Variants in NRG3 observed in about 807,000 individuals in gnomAD.
NRG3 encodes the protein neuregulin 3, also known as pro-neuregulin-3, membrane-bound isoform.
In NRG3, 31 loss-of-function variants were observed where a neutral mutation model predicts 66.9. That is an observed-to-expected ratio of 0.46 (90% CI 0.35 to 0.63). The LOEUF (loss-of-function observed/expected upper bound fraction) is 0.63. NRG3 is among the 20% of genes least tolerant of loss of function. The pLI is 0.00. For synonymous variants in NRG3, 393 were observed against 359.4 expected (o/e 1.09, Z -1.06); for missense variants, 910 against 878.9 (o/e 1.04, Z -0.45).
At chr10:82,098,543 G>T (rs1033990928) in intron 1 of NRG3, among the ~76,000 whole-genome samples, 1 of 152,082 alleles carries the variant, frequency 6.6e-6, no homozygotes, top group South Asian at 2.1e-4. Flanking sequence ...AGGAGAAGAC[G>T]ATGGATACAC....
chr10:82,029,984 T>C (rs1260012172), intron 1 of NRG3, among the ~76,000 whole-genome samples: 1 of 152,090 alleles, frequency 6.6e-6, no homozygotes, highest in Admixed American at 6.6e-5. Flanking sequence ...GTCTAACAAA[T>C]GTCCCCTTTG....
chr10:82,848,202 C>T (rs2063397215), intron 3 of NRG3, among the ~76,000 whole-genome samples: 2 of 152,190 alleles, frequency 1.3e-5, no homozygotes, highest in South Asian at 4.1e-4. Flanking sequence ...TAAAACAACA[C>T]AAACACGTCC....
At chr10:82,171,137 T>A (rs1181849041) in intron 1 of NRG3, among the ~76,000 whole-genome samples, 1 of 152,068 alleles carries the variant, frequency 6.6e-6, no homozygotes, top group Non-Finnish European at 1.5e-5. Context: ...TGCAATTCAA[T>A]CAATGTATTT....
chr10:81,915,387 C>A (rs528889635), intron 1 of NRG3, among the ~76,000 whole-genome samples: 1 of 152,072 alleles, frequency 6.6e-6, no homozygotes, highest in African/African-American at 2.4e-5. Context: ...CAGAAAAATA[C>A]AGGGTTTTCC....
intron 6 of NRG3, among the ~76,000 whole-genome samples, chr10:82,964,984 C>T (rs953076355): frequency 2.1e-4 from 32 of 152,108 alleles, no homozygotes; most frequent in Non-Finnish European, 1.5e-4. Context: ...AGCAGGTGGG[C>T]GGGCAAGAGG....
intron 1 of NRG3, among the ~76,000 whole-genome samples, chr10:81,929,457 C>T (rs2132966439): frequency 6.6e-6 from 1 of 152,268 alleles, no homozygotes; most frequent in South Asian, 2.1e-4. Flanking sequence ...AATTTCATTT[C>T]CAAATACCCA....
chr10:82,361,515 C>T (rs1266955300), intron 2 of NRG3, among the ~76,000 whole-genome samples: 3 of 152,112 alleles, frequency 2.0e-5, no homozygotes, highest in Non-Finnish European at 4.4e-5. Context: ...TAATAAAGTG[C>T]CATTTTGTAC....
chr10:82,318,646 A>G (rs979714930), intron 1 of NRG3, among the ~76,000 whole-genome samples: 2 of 152,184 alleles, frequency 1.3e-5, no homozygotes, highest in Non-Finnish European at 2.9e-5. Context: ...TGCTCTCTGG[A>G]CACAGAGTCT....
intron 1 of NRG3, among the ~76,000 whole-genome samples, chr10:82,198,995 T>TAA (rs377250051): frequency 7.7e-6 from 1 of 130,086 alleles, no homozygotes; most frequent in Non-Finnish European, 1.6e-5. Context: ...CGACTCCATC[T>TAA]AAAAAAAAAA....
At chr10:82,036,559 GT>G (rs564288571) in intron 1 of NRG3, among the ~76,000 whole-genome samples, 7 of 151,838 alleles carry the variant, frequency 4.6e-5, no homozygotes, top group Admixed American at 3.3e-4. Context: ...TAAAGGCATG[GT>G]TTTTTTCCCA....
chr10:82,049,017 C>A (rs548952794), intron 1 of NRG3, among the ~76,000 whole-genome samples: 2 of 152,024 alleles, frequency 1.3e-5, no homozygotes, highest in Non-Finnish European at 2.9e-5. Context: ...ATAAATTCCT[C>A]GACACATACA....
At chr10:82,343,008 C>A (rs1209979331) in intron 1 of NRG3, among the ~76,000 whole-genome samples, 2 of 152,020 alleles carry the variant, frequency 1.3e-5, no homozygotes, top group South Asian at 2.1e-4. Context: ...TTTCCAGAAC[C>A]ATTTATTGAA....
At chr10:81,987,305 G>A (rs565331812) in intron 1 of NRG3, among the ~76,000 whole-genome samples, 1 of 152,238 alleles carries the variant, frequency 6.6e-6, no homozygotes, top group African/African-American at 2.4e-5. Context: ...GGCTGGTCTC[G>A]AACTCCTGAC....
At chr10:82,102,143 T>TGTATTC (rs1313196937) in intron 1 of NRG3, among the ~76,000 whole-genome samples, 1 of 47,672 alleles carries the variant, frequency 2.1e-5, no homozygotes, top group Non-Finnish European at 6.0e-5. Context: ...CATATATATA[T>TGTATTC]ATATATATAT....
chr10:82,093,988 T>G (rs1368605628), intron 1 of NRG3, among the ~76,000 whole-genome samples: 5 of 152,202 alleles, frequency 3.3e-5, no homozygotes, highest in South Asian at 4.1e-4. Context: ...CTCTTCATAG[T>G]TAACAAAGAG....
At chr10:82,756,920 G>C (rs543639244) in intron 3 of NRG3, among the ~76,000 whole-genome samples, 1 of 151,734 alleles carries the variant, frequency 6.6e-6, no homozygotes, top group Non-Finnish European at 1.5e-5. Flanking sequence ...CTTTACCTGG[G>C]GAAAGTATTT....
intron 1 of NRG3, among the ~76,000 whole-genome samples, chr10:82,131,470 T>C (rs1241627395): frequency 6.6e-6 from 1 of 152,158 alleles, no homozygotes; most frequent in Non-Finnish European, 1.5e-5. Context: ...TCAAGTAATG[T>C]GATTCCTCCA....
At chr10:82,581,106 C>A (rs189245627) in intron 2 of NRG3, among the ~76,000 whole-genome samples, 1 of 151,832 alleles carries the variant, frequency 6.6e-6, no homozygotes, top group African/African-American at 2.4e-5. Context: ...GCTTGCCAGC[C>A]TTTGTTGTCT....
At chr10:82,652,911 G>A (rs1189987317) in intron 2 of NRG3, among the ~76,000 whole-genome samples, 2 of 152,170 alleles carry the variant, frequency 1.3e-5, no homozygotes, top group Admixed American at 6.5e-5. Flanking sequence ...TATTTATGCA[G>A]CAATAAATAA....
Sources: gnomAD v4.1 joint callset for allele counts (sites outside exome capture counted in the v4.1 genomes callset) on GRCh38, gnomAD v4.1.1 for gene constraint, MANE v1.5 for transcripts, NCBI Gene and HGNC (gene_info 2026-07-23, HGNC 2026-07-21) for gene names.